The following SERINC5 variants were observed in gnomAD, a reference collection of about 807,000 sequenced individuals.
The protein encoded by SERINC5 is serine incorporator 5, also known as chromosome 5 open reading frame 12.
Under a neutral mutation model 63.1 loss-of-function variants are expected in SERINC5, and 41 were observed. The ratio of observed to expected loss-of-function variants is 0.65; its 90% CI spans 0.51 to 0.84. The LOEUF (loss-of-function observed/expected upper bound fraction) is 0.84. SERINC5 is among the 40% of genes least tolerant of loss of function. The probability of loss-of-function intolerance (pLI) is 0.00; values close to 1 mark genes in which losing one functional copy is unlikely to be tolerated. For synonymous variants in SERINC5, 222 were observed against 215.2 expected (o/e 1.03, Z -0.28); for missense variants, 523 against 573.0 (o/e 0.91, Z 0.89).
At chr5:80,165,945 G>A (rs989107662) in intron 7 of SERINC5, among the ~76,000 whole-genome samples, 10 of 152,004 alleles carry the variant, frequency 6.6e-5, no homozygotes, top group East Asian at 1.9e-4. Context: ...CATTTCTAAC[G>A]TTTATTTTTA....
chr5:80,161,323 A>G (rs963658517), intron 7 of SERINC5, among the ~76,000 whole-genome samples: 4 of 152,184 alleles, frequency 2.6e-5, no homozygotes, highest in African/African-American at 7.2e-5. Flanking sequence ...TCAACAGTAT[A>G]AGTGTTTCCG....
intron 1 of SERINC5, 93 bp downstream of exon 1, chr5:80,255,803 G>C (rs897371281): frequency 2.2e-6 from 3 of 1,362,592 alleles, no homozygotes; most frequent in Non-Finnish European, 3.0e-6. Context: ...CGGCCGCGGA[G>C]CTGGGAGCGC....
intron 11 of SERINC5, among the ~76,000 whole-genome samples, chr5:80,145,269 A>C (rs974312183): frequency 2.0e-5 from 3 of 151,916 alleles, no homozygotes; most frequent in African/African-American, 7.3e-5. Flanking sequence ...ACTTGAACCC[A>C]GGGGCGGAGG....
chr5:80,154,596 A>AC (rs1486338995), intron 8 of SERINC5, among the ~76,000 whole-genome samples: 5 of 148,274 alleles, frequency 3.4e-5, no homozygotes, highest in East Asian at 4.0e-4. Flanking sequence ...AAATTTCCCC[A>AC]CCCCCCCATA....
At chr5:80,217,092 TTTTTAA>T (rs563825741) in intron 1 of SERINC5, among the ~76,000 whole-genome samples, 159 of 148,992 alleles carry the variant, frequency 1.1e-3, no homozygotes, top group Non-Finnish European at 1.8e-3. Context: ...TTATTCTTAA[TTTTTAA>T]TTTTAATTTT....
chr5:80,173,245 GGAAGGA>G (rs1747784683), intron 5 of SERINC5, among the ~76,000 whole-genome samples: 2 of 143,622 alleles, frequency 1.4e-5, no homozygotes, highest in African/African-American at 2.9e-5. Context: ...AAGGAAGGAA[GGAAGGA>G]AGGAAGGAAG....
intron 11 of SERINC5, among the ~76,000 whole-genome samples, chr5:80,132,599 C>CT (rs10708908): frequency 0.082 from 12,126 of 147,332 alleles, 537 homozygotes; most frequent in African/African-American, 0.13. Flanking sequence ...TGCCTTAGTT[C>CT]TTTTTTTTTT....
At chr5:80,255,766 C>T in intron 1 of SERINC5, 130 bp downstream of exon 1, 1 of 952,270 alleles carries the variant, frequency 1.1e-6, no homozygotes, top group Non-Finnish European at 1.6e-6. Context: ...CGGGGCCAGC[C>T]CGAGCGACCC....
At chr5:80,241,538 C>CA (rs924238205) in intron 1 of SERINC5, among the ~76,000 whole-genome samples, 6 of 151,674 alleles carry the variant, frequency 4.0e-5, no homozygotes, top group African/African-American at 1.5e-4. Context: ...GCCCTCTCCT[C>CA]AAAAAAAGAT....
At chr5:80,130,236 C>A (rs546928610) in intron 11 of SERINC5, among the ~76,000 whole-genome samples, 1 of 152,078 alleles carries the variant, frequency 6.6e-6, no homozygotes, top group East Asian at 1.9e-4. Flanking sequence ...AAAAACTAGC[C>A]GGGCCTGGTG....
Position 80,140,812 on chromosome 5 carries a change from T to C in SERINC5, c.*2851A>G, listed in dbSNP as rs1357635527. 5 of 985,156 alleles carry C rather than the reference T, an allele frequency of 5.1e-6. No individual in the cohort carries two copies. The highest frequency in any genetic ancestry group is 4.7e-5 in the South Asian group (1 of 21,280). 61.0% of individuals were successfully genotyped at this position (985,156 alleles called of 1,614,324 possible). Reference sequence around the variant, plus strand: ...TCAGACAAATCACACAGAGGAAATATTCACATGCAGCTTTAAAAAAGTCCT... The same window carrying C: ...TCAGACAAATCACACAGAGGAAATACTCACATGCAGCTTTAAAAAAGTCCT... On this transcript the variant is annotated 3_prime_UTR_variant, in exon 12 of 12. Coordinates refer to ENST00000507668, the MANE Select transcript of SERINC5 (RefSeq NM_001174072.3).
intron 2 of SERINC5, among the ~76,000 whole-genome samples, chr5:80,201,875 T>C (rs1343593784): frequency 6.6e-6 from 1 of 152,204 alleles, no homozygotes; most frequent in Non-Finnish European, 1.5e-5. Context: ...TCTCCATTAT[T>C]TGTGAGAATA....
intron 11 of SERINC5, among the ~76,000 whole-genome samples, chr5:80,125,754 C>A (rs1450980719): frequency 6.6e-6 from 1 of 152,122 alleles, no homozygotes; most frequent in East Asian, 1.9e-4. Context: ...CCTACGAGAG[C>A]AGCTTTGGAT....
intron 2 of SERINC5, among the ~76,000 whole-genome samples, chr5:80,191,833 TAGTC>T (rs989042132): frequency 1.3e-5 from 2 of 152,198 alleles, no homozygotes; most frequent in African/African-American, 4.8e-5. Context: ...TCATACAGCC[TAGTC>T]AGTTACCTGC....
At chr5:80,149,476 A>G (rs1364478747) in intron 9 of SERINC5, among the ~76,000 whole-genome samples, 3 of 152,198 alleles carry the variant, frequency 2.0e-5, no homozygotes, top group South Asian at 4.1e-4. Flanking sequence ...TAAAATGCCC[A>G]TATCTAGACA....
At position 80,225,001 on chromosome 5, in the gene SERINC5, C is replaced by T. The variant is rs559961267; in HGVS notation, c.28-21948G>A. The stretch of plus-strand genomic sequence containing the variant: ...TGTTGCCCAGGCTGGAGTGCAATGG[C>T]GTGATCTTGGCTTACTGCAACCTCT... On this transcript the variant is annotated intron_variant, in intron 1 of 11. Coordinates refer to ENST00000507668, the MANE Select transcript of SERINC5 (RefSeq NM_001174072.3). Among the ~76,000 whole-genome samples, 17 of 148,466 alleles carry T rather than the reference C, an allele frequency of 1.1e-4. No homozygotes were observed. The East Asian group carries it at 1.4e-3, about 12-fold the overall frequency.
chr5:80,118,788 C>T (rs1580012894), intron 11 of SERINC5, among the ~76,000 whole-genome samples: 4 of 147,758 alleles, frequency 2.7e-5, no homozygotes, highest in African/African-American at 7.6e-5. Context: ...GTCTCGCACT[C>T]CTGGCCTCAA....
At chr5:80,148,638 A>G (rs1271248891) in intron 9 of SERINC5, among the ~76,000 whole-genome samples, 1 of 151,758 alleles carries the variant, frequency 6.6e-6, no homozygotes, top group East Asian at 1.9e-4. Context: ...ACTGCACTCC[A>G]GCCTGGGTGA....
At position 80,169,438 on chromosome 5, in the gene SERINC5, A is replaced by G. The variant is rs750294660; in HGVS notation, c.660T>C (p.Tyr220=). The change falls in exon 6 of 12, where the codon TAT becomes TAC. Residue 220 remains tyrosine, a synonymous_variant. Coordinates refer to ENST00000507668, the MANE Select transcript of SERINC5 (RefSeq NM_001174072.3). The part of the protein sequence containing the change: ...TGGLVLMAVF[Y]TQKDSCMENK... ...TTTCCATGCAGCTGTCTTTCTGTGT[A>G]TAAAACACTGCCATCAAAACCAAGC... 1.2e-6 allele frequency: 2 copies of G among 1,613,888 alleles called. No homozygotes were observed. Among genetic ancestry groups the G allele is most frequent in the South Asian group, 2.2e-5 (2 of 91,084 alleles).
Sources: gnomAD v4.1 joint callset for allele counts (sites outside exome capture counted in the v4.1 genomes callset) on GRCh38, gnomAD v4.1.1 for gene constraint, MANE v1.5 for transcripts, NCBI Gene and HGNC (gene_info 2026-07-23, HGNC 2026-07-21) for gene names.